The following USP54 variants were observed in gnomAD, a reference collection of about 807,000 sequenced individuals.
The protein encoded by USP54 is ubiquitin carboxyl-terminal hydrolase 54.
In USP54, 87 loss-of-function variants were observed where a neutral mutation model predicts 170.5. The observed-to-expected ratio is 0.51, with a 90% CI of 0.43 to 0.61. The LOEUF (loss-of-function observed/expected upper bound fraction) is 0.61, where lower values mean the gene tolerates loss of function less well. Ranked by LOEUF, USP54 falls within the 20% of genes least tolerant of loss-of-function variation. USP54 has a pLI of 0.00. For missense variants in USP54, 1,786 were observed against 2,047.8 expected (o/e 0.87, Z 2.47); for synonymous variants, 655 against 742.8 (o/e 0.88, Z 1.92).
intron 10 of USP54, among the ~76,000 whole-genome samples, chr10:73,538,924 C>G (rs1655590339): frequency 6.6e-6 from 1 of 152,126 alleles, no homozygotes. Context: ...CCTCGAAGAA[C>G]TAGCCATCTT....
At chr10:73,555,164 T>G (rs188056205) in intron 4 of USP54, among the ~76,000 whole-genome samples, 6 of 152,350 alleles carry the variant, frequency 3.9e-5, no homozygotes, top group African/African-American at 1.4e-4. Flanking sequence ...TATTAATGTC[T>G]TAATATCATC....
At chr10:73,589,278 C>A (rs560542282) in intron 1 of USP54, among the ~76,000 whole-genome samples, 47 of 152,296 alleles carry the variant, frequency 3.1e-4, no homozygotes, top group Non-Finnish European at 5.7e-4. Context: ...AAAATCATAT[C>A]GCATCTAAAT....
intron 1 of USP54, among the ~76,000 whole-genome samples, chr10:73,606,702 C>A (rs938906139): frequency 6.6e-6 from 1 of 150,986 alleles, no homozygotes; most frequent in Non-Finnish European, 1.5e-5. Context: ...CACGGTGAAA[C>A]CCTGTCTCTA....
intron 15 of USP54, 116 bp downstream of exon 15, chr10:73,529,564 A>AT (rs765311263): frequency 1.7e-6 from 2 of 1,148,042 alleles, no homozygotes; most frequent in Non-Finnish European, 2.6e-6. Context: ...GAAAGAGCAC[A>AT]TAGAGATAAT....
At chr10:73,615,340 C>T (rs949940372) in intron 1 of USP54, among the ~76,000 whole-genome samples, 2 of 150,492 alleles carry the variant, frequency 1.3e-5, no homozygotes, top group South Asian at 4.1e-4. Context: ...GCCTGGGCAA[C>T]AGAGCGAGAC....
chr10:73,556,119 C>T (rs2070922171), intron 4 of USP54, among the ~76,000 whole-genome samples: 1 of 152,026 alleles, frequency 6.6e-6, no homozygotes, highest in Non-Finnish European at 1.5e-5. Context: ...TTGGATTAGA[C>T]ATAAGGACAT....
At chr10:73,525,916 G>T (rs1230925430) in intron 16 of USP54, among the ~76,000 whole-genome samples, 1 of 152,190 alleles carries the variant, frequency 6.6e-6, no homozygotes, top group Non-Finnish European at 1.5e-5. Context: ...CCAGGGGTAA[G>T]GATAAATTTG....
At chr10:73,606,719 A>T (rs2079661301) in intron 1 of USP54, among the ~76,000 whole-genome samples, 1 of 151,958 alleles carries the variant, frequency 6.6e-6, no homozygotes, top group Non-Finnish European at 1.5e-5. Flanking sequence ...TCTACTAAAA[A>T]TACAAAAAAA....
chr10:73,536,196 AT>A, intron 11 of USP54, 72 bp downstream of exon 11: 2 of 1,567,048 alleles, frequency 1.3e-6, no homozygotes, highest in Non-Finnish European at 1.7e-6. Context: ...TAAGCACATA[AT>A]TAACTATGAG....
intron 4 of USP54, among the ~76,000 whole-genome samples, chr10:73,548,649 T>C (rs1407047848): frequency 1.3e-5 from 2 of 152,182 alleles, no homozygotes; most frequent in African/African-American, 2.4e-5. Context: ...AAACACCGTA[T>C]GTTCTCACTC....
intron 4 of USP54, among the ~76,000 whole-genome samples, chr10:73,558,122 C>T (rs1006913865): frequency 9.9e-5 from 15 of 152,072 alleles, no homozygotes; most frequent in East Asian, 7.7e-4. Context: ...CCTCATGATC[C>T]GCCCACTTCG....
intron 4 of USP54, among the ~76,000 whole-genome samples, chr10:73,566,212 A>G (rs1251314973): frequency 1.3e-5 from 2 of 152,086 alleles, no homozygotes; most frequent in African/African-American, 4.8e-5. Flanking sequence ...CCTGGGCAAC[A>G]AGAGTGAAAC....
chr10:73,566,206 G>A (rs189230589), intron 4 of USP54, among the ~76,000 whole-genome samples: 502 of 152,072 alleles, frequency 3.3e-3, no homozygotes, highest in Non-Finnish European at 5.4e-3. Flanking sequence ...CTCCAGCCTG[G>A]GCAACAAGAG....
intron 1 of USP54, among the ~76,000 whole-genome samples, chr10:73,621,486 G>T (rs2081086617): frequency 6.6e-6 from 1 of 151,140 alleles, no homozygotes; most frequent in South Asian, 2.1e-4. Context: ...TGTAATCCCA[G>T]CTACTCAGGA....
chr10:73,516,671 G>C lies in USP54; in HGVS notation c.3755C>G (p.Thr1252Ser), dbSNP rs1181523487. ...DVRSKDLGSS[T>S]DLGTSLPLDS... ...CAAAGGCAAGGAAGTCCCCAAGTCA[G>C]TACTGCTGCCCAGATCCTTAGACCT... The change falls in exon 20 of 24, where the codon ACT becomes AGT. Residue 1252 changes from threonine (T) to serine (S), a missense_variant. Thr to Ser is a moderately conservative substitution (Grantham distance 58, BLOSUM62 1). This residue lies in a region of USP54 where 1,418 missense variants were observed against 1,569.0 expected (regional missense o/e 0.90). Coordinates refer to ENST00000687698, the MANE Select transcript of USP54 (RefSeq NM_001391956.1). 6.2e-7 allele frequency: 1 copy of C among 1,614,088 alleles called. No individual in the cohort carries two copies. Among genetic ancestry groups the C allele is most frequent in the African/African-American group, 1.3e-5 (1 of 74,938 alleles).
intron 19 of USP54, 88 bp downstream of exon 19, chr10:73,519,699 CCCTTCAGTCG>C: frequency 6.5e-7 from 1 of 1,548,066 alleles, no homozygotes. Context: ...CTCCTCTCTC[CCCTTCAGTCG>C]CCAAGACAAT....
At chr10:73,536,673 A>C (rs1016319505) in intron 10 of USP54, among the ~76,000 whole-genome samples, 1 of 152,234 alleles carries the variant, frequency 6.6e-6, no homozygotes, top group Non-Finnish European at 1.5e-5. Context: ...GAATGAATAA[A>C]ATTAATTTTA....
chr10:73,508,644 A>T (rs1314670577), intron 20 of USP54, among the ~76,000 whole-genome samples: 1 of 151,942 alleles, frequency 6.6e-6, no homozygotes, highest in African/African-American at 2.4e-5. Context: ...ACTAAGTTAC[A>T]GGAAAAATGT....
chr10:73,498,835 C>A lies in USP54; in HGVS notation c.4849G>T (p.Ala1617Ser). ...CCTGGAACAGGATCTGAATTCCAAG[C>A]TGACCTCAGGGGTACATGAAGACTG... Reference protein sequence around the residue: ...SSSLHVPLRSAWNSDPVPGSR... With the variant: ...SSSLHVPLRSSWNSDPVPGSR... The change falls in exon 24 of 24, where the codon GCT becomes TCT. Residue 1617 changes from alanine (A) to serine (S), a missense_variant. By Grantham distance (99) the Ala-to-Ser change is moderately conservative. Coordinates refer to ENST00000687698, the MANE Select transcript of USP54 (RefSeq NM_001391956.1). The A allele has an allele frequency of 6.2e-7, 1 of 1,611,402 alleles. No homozygotes were observed. The highest frequency in any genetic ancestry group is 8.5e-7 in the Non-Finnish European group (1 of 1,178,558).
Sources: gnomAD v4.1 joint callset for allele counts (sites outside exome capture counted in the v4.1 genomes callset) on GRCh38, gnomAD v4.1.1 for gene constraint, gnomAD v4.1.1 regional missense constraint, MANE v1.5 for transcripts, NCBI Gene and HGNC (gene_info 2026-07-23, HGNC 2026-07-21) for gene names.